The following TMEM223 variants were observed in gnomAD, a reference collection of about 807,000 sequenced individuals.
TMEM223 encodes transmembrane protein 223.
In TMEM223, 14 loss-of-function variants were observed where a neutral mutation model predicts 14.1. The ratio of observed to expected loss-of-function variants is 0.99; its 90% CI spans 0.66 to 1.55. The LOEUF is 1.55. Ranked by LOEUF, TMEM223 falls within the 40% of genes most tolerant of loss-of-function variation. The pLI, the probability that TMEM223 is intolerant of heterozygous loss-of-function variation, is 0.00. For missense variants in TMEM223, 346 were observed against 269.9 expected (o/e 1.28, Z -1.97); for synonymous variants, 145 against 120.5 (o/e 1.20, Z -1.33).
chr11:62,779,027 T>G, intron 1 of TMEM223: 1 of 1,467,232 alleles, frequency 6.8e-7, no homozygotes, highest in Non-Finnish European at 9.5e-7. Flanking sequence ...CTGTTTTTTT[T>G]TTTTTTTTTT....
At position 62,791,666 on chromosome 11, in the gene TMEM223, G is replaced by T; in HGVS notation, c.316+13C>A. The T allele has an allele frequency of 6.6e-7, 1 of 1,519,770 alleles. No homozygotes were observed. The allele number at this position is 1,519,770 out of a possible 1,614,324, so 94.1% of individuals were successfully genotyped here. A position where few individuals can be genotyped will look rare whatever the true frequency, so the allele number is the denominator to read the frequency against. ...CCCACGTTGTCACAGTGGGAAGCCA[G>T]CCCACGTCTTACCGATGGCGCCGCA... On this transcript the variant is annotated intron_variant, in intron 1 of 1. Transcript: ENST00000307366.
At chr11:62,778,573 A>G (rs1331417855) in intron 1 of TMEM223, 1 of 623,390 alleles carries the variant, frequency 1.6e-6, no homozygotes, top group Non-Finnish European at 2.8e-6. Context: ...TCTGGGCAGC[A>G]TGCTGGGGCG....
At chr11:62,774,857 G>T (rs1374750087) in intron 1 of TMEM223, among the ~76,000 whole-genome samples, 1 of 146,636 alleles carries the variant, frequency 6.8e-6, no homozygotes, top group Non-Finnish European at 1.5e-5. Flanking sequence ...GCTGAGGCAG[G>T]AGAGTTGGGG....
At chr11:62,789,948 G>C (rs184570054), downstream of TMEM223, 1 of 1,613,974 alleles carries the variant, frequency 6.2e-7, no homozygotes, top group African/African-American at 1.3e-5. Context: ...TCGTGCAGTG[G>C]AAGTCTGAAG....
Position 62,775,730 on chromosome 11 carries a change from G to C in TMEM223, c.315-1065C>G, listed in dbSNP as rs922651596. 1.9e-6 allele frequency: 3 copies of C among 1,564,254 alleles called. No homozygotes were observed. The Admixed American group carries it at 5.3e-5, about 28-fold the overall frequency. ...TGGATCACACTCCTGGGCTCTCCGG[G>C]AGGCTGGGCAGCTTTTCCAGTCTTC... On this transcript the variant is annotated intron_variant, in intron 1 of 2. Transcript: ENST00000528367.
At chr11:62,780,181 TGTG>T (rs1217955444) in intron 1 of TMEM223, among the ~76,000 whole-genome samples, 2 of 151,146 alleles carry the variant, frequency 1.3e-5, no homozygotes, top group Non-Finnish European at 2.9e-5. Flanking sequence ...AACTGGCTGT[TGTG>T]GTGGGTGCCT....
At chr11:62,780,930 C>T (rs1490019802) in intron 1 of TMEM223, among the ~76,000 whole-genome samples, 5 of 136,652 alleles carry the variant, frequency 3.7e-5, no homozygotes, top group Non-Finnish European at 7.8e-5. Context: ...GAGTGAGACT[C>T]CATCTCAAAA....
At chr11:62,775,953 T>C (rs372834677) in intron 1 of TMEM223, 17 of 1,580,726 alleles carry the variant, frequency 1.1e-5, no homozygotes, top group Admixed American at 1.8e-5. Context: ...CACCCCCTGA[T>C]ACCTCCAACT....
chr11:62,787,312 G>T (rs545500275), downstream of TMEM223: 14 of 1,528,734 alleles, frequency 9.2e-6, no homozygotes, highest in Admixed American at 2.6e-4. Flanking sequence ...TGGCCCCTTC[G>T]TTCCTTGTAA....
rs778238179 is a variant in TMEM223, at chr11:62,790,001, G to C, written c.*622C>G. On this transcript the variant is annotated 3_prime_UTR_variant, in exon 2 of 2. Transcript: ENST00000307366. The stretch of plus-strand genomic sequence containing the variant: ...CTGGAGAGGGGTGACCCTGAGTGGA[G>C]CTCTGAGACAGATGCTCTCGTTGGG... The C allele has an allele frequency of 2.5e-6, 4 of 1,613,882 alleles. No homozygotes were observed. The African/African-American group carries it at 5.3e-5, about 22-fold the overall frequency.
downstream of TMEM223, among the ~76,000 whole-genome samples, chr11:62,788,254 T>C (rs539961922): frequency 6.6e-6 from 1 of 151,130 alleles, no homozygotes; most frequent in African/African-American, 2.4e-5. Flanking sequence ...AATACAAAAA[T>C]TAGCCGGGTG....
chr11:62,782,676 G>A, downstream of TMEM223: 1 of 1,610,394 alleles, frequency 6.2e-7, no homozygotes, highest in Non-Finnish European at 8.5e-7. Context: ...CTCCCTAACT[G>A]AATGGTGCTC....
At chr11:62,781,805 A>AC in intron 1 of TMEM223, 1 of 1,074,810 alleles carries the variant, frequency 9.3e-7, no homozygotes, top group East Asian at 2.4e-5. Flanking sequence ...AAACATGAAT[A>AC]AGGTGATACA....
intron 2 of TMEM223, among the ~76,000 whole-genome samples, chr11:62,773,908 A>G (rs1393024634): frequency 6.6e-6 from 1 of 152,102 alleles, no homozygotes; most frequent in East Asian, 1.9e-4. Context: ...GAGAGTTCCA[A>G]GTGGAGGAAG....
downstream of TMEM223, among the ~76,000 whole-genome samples, chr11:62,788,098 A>G (rs1297888695): frequency 6.6e-6 from 1 of 152,048 alleles, no homozygotes; most frequent in East Asian, 1.9e-4. Flanking sequence ...CCTATTTTAC[A>G]CCATGAGAAA....
chr11:62,782,989 A>G (rs2084241530), downstream of TMEM223, among the ~76,000 whole-genome samples: 1 of 152,216 alleles, frequency 6.6e-6, no homozygotes, highest in Non-Finnish European at 1.5e-5. Context: ...CTGAATGTAA[A>G]TGTCTTATCC....
In TMEM223 at chr11:62,791,842, G is replaced by A; in HGVS notation, c.153C>T (p.Phe51=). Residue 51 remains phenylalanine (F), a synonymous_variant, in exon 1 of 2, where the codon TTC becomes TTT. Transcript: ENST00000307366. ...CCCAGAAGACGCCCTGGCCCGCGCA[G>A]AACAGCCCGAGGATGGTGAAGAAGC... ...RGRFFTILGL[F]CAGQGVFWAS... is the part of the protein sequence containing the mutation. 1 of 1,591,216 alleles carries A rather than the reference G, an allele frequency of 6.3e-7. No homozygotes were observed. Among genetic ancestry groups the A allele is most frequent in the Non-Finnish European group, 8.5e-7 (1 of 1,169,644 alleles).
At chr11:62,778,921 G>A (rs781159856) in intron 1 of TMEM223, 1 of 1,614,158 alleles carries the variant, frequency 6.2e-7, no homozygotes, top group Admixed American at 1.7e-5. Flanking sequence ...ACTATCACCA[G>A]GTGACTCGTG....
At chr11:62,773,672 T>G (rs1203681765) in intron 2 of TMEM223, among the ~76,000 whole-genome samples, 3 of 152,076 alleles carry the variant, frequency 2.0e-5, no homozygotes, top group African/African-American at 7.2e-5. Context: ...GGTCTTGAAC[T>G]CCTGACCTCA....
Sources: gnomAD v4.1 joint callset for allele counts (sites outside exome capture counted in the v4.1 genomes callset) on GRCh38, gnomAD v4.1.1 for gene constraint, MANE v1.5 for transcripts, NCBI Gene and HGNC (gene_info 2026-07-23, HGNC 2026-07-21) for gene names.